PHKA1: variants seen among roughly 807,000 people sequenced by gnomAD.
The protein encoded by PHKA1 is phosphorylase kinase regulatory subunit alpha 1.
Under a neutral mutation model 110.2 loss-of-function variants are expected in PHKA1, and 60 were observed. The observed-to-expected ratio is 0.54, with a 90% confidence interval of 0.44 to 0.68. The LOEUF (loss-of-function observed/expected upper bound fraction) is 0.68. PHKA1 is among the 30% of genes least tolerant of loss of function. The pLI, the probability that PHKA1 is intolerant of heterozygous loss-of-function variation, is 0.00. For missense variants in PHKA1, 801 were observed against 942.5 expected, an observed-to-expected ratio of 0.85 and a Z score of 1.97; for synonymous variants, 316 against 333.6, an observed-to-expected ratio of 0.95 and a Z score of 0.58.
chrX:72,651,433 G>A (rs1556299041), intron 12 of PHKA1, among the ~76,000 whole-genome samples: 1 of 111,050 alleles, frequency 9.0e-6, no homozygotes, highest in South Asian at 3.8e-4. Flanking sequence ...CTACTTGGGA[G>A]GCCAAGGCAG....
At chrX:72,612,428 C>T (rs1556262247) in intron 21 of PHKA1, among the ~76,000 whole-genome samples, 1 of 111,776 alleles carries the variant, frequency 8.9e-6, no homozygotes, top group Admixed American at 9.5e-5. Context: ...AATGTGAATA[C>T]ATTCAAAGCC....
intron 8 of PHKA1, among the ~76,000 whole-genome samples, chrX:72,662,897 G>A (rs1360119784): frequency 9.0e-6 from 1 of 110,634 alleles, no homozygotes. Flanking sequence ...CCATCTCCAG[G>A]AAAGTCTTTC....
chrX:72,649,499 T>A (rs1556298241), intron 13 of PHKA1, among the ~76,000 whole-genome samples: 1 of 111,847 alleles, frequency 8.9e-6, no homozygotes, highest in Non-Finnish European at 1.9e-5. Context: ...GGGACTAGAA[T>A]TCTTAACATG....
At chrX:72,673,790 T>C (rs1282513206) in intron 6 of PHKA1, among the ~76,000 whole-genome samples, 4 of 108,558 alleles carry the variant, frequency 3.7e-5, no homozygotes, top group Admixed American at 9.9e-5. Flanking sequence ...GGGCAATTTA[T>C]TTTTTTTTTC....
intron 28 of PHKA1, among the ~76,000 whole-genome samples, chrX:72,601,048 T>G (rs2052651729): frequency 9.0e-6 from 1 of 111,241 alleles, no homozygotes; most frequent in African/African-American, 3.3e-5. Context: ...ACCACATGAC[T>G]TCCTAGAGTT....
intron 6 of PHKA1, among the ~76,000 whole-genome samples, chrX:72,675,740 T>G (rs2053771790): frequency 9.0e-6 from 1 of 110,516 alleles, no homozygotes. Flanking sequence ...ATATAAAGCT[T>G]GGTCAACTGG....
chrX:72,603,276 T>A (rs1366850480), intron 25 of PHKA1, 56 bp from the exon 26 acceptor site: 7 of 677,580 alleles, frequency 1.0e-5, no homozygotes, highest in Non-Finnish European at 1.7e-5. Flanking sequence ...CCATGCCCTC[T>A]CTATATTTTC....
rs1415746505 is a variant in PHKA1 at position 72,626,861 on chromosome X, T to C, written c.1793+110A>G. On this transcript the variant is annotated intron_variant, in intron 17 of 31. Transcript: ENST00000373542. ...TAACTGAAATATCGGAGTCAAATTG[T>C]AGATAAGGGGGGACTATCATACACA... 3.7e-5 allele frequency: 23 copies of C among 624,751 alleles called. No homozygotes were observed. The Admixed American group carries it at 5.1e-4, about 14-fold the overall frequency. The allele number at this position is 624,751 out of a possible 1,213,427, so 51.5% of individuals were successfully genotyped here.
At chrX:72,686,386 C>T (rs113982067) in intron 4 of PHKA1, among the ~76,000 whole-genome samples, 6,717 of 111,978 alleles carry the variant, frequency 0.06, 476 homozygotes, top group African/African-American at 0.21. Flanking sequence ...AAACATTACA[C>T]AAAGGGTAGT....
At chrX:72,601,891 A>C in intron 28 of PHKA1, 100 bp downstream of exon 28, 1 of 616,443 alleles carries the variant, frequency 1.6e-6, no homozygotes, top group African/African-American at 2.2e-5. Flanking sequence ...AATCTACTCC[A>C]TGACTTGTTA....
At chrX:72,606,785 G>T (rs1301180307) in intron 23 of PHKA1, among the ~76,000 whole-genome samples, 5 of 110,806 alleles carry the variant, frequency 4.5e-5, no homozygotes, top group South Asian at 3.8e-4. Flanking sequence ...TCTCCCTATT[G>T]TGCTATCAAA....
intron 21 of PHKA1, among the ~76,000 whole-genome samples, chrX:72,617,842 T>TAA (rs201696827): frequency 1.1e-5 from 1 of 88,217 alleles, no homozygotes; most frequent in Non-Finnish European, 2.3e-5. Flanking sequence ...ATAAAAAAAA[T>TAA]AAAAAAAAAA....
At chrX:72,590,530 G>A (rs1319137598) in intron 29 of PHKA1, among the ~76,000 whole-genome samples, 4 of 111,826 alleles carry the variant, frequency 3.6e-5, no homozygotes, top group African/African-American at 1.3e-4. Context: ...AACACCAAAA[G>A]CAATTGCAAC....
chrX:72,703,381 A>G (rs1421737766), intron 3 of PHKA1, among the ~76,000 whole-genome samples: 1 of 112,246 alleles, frequency 8.9e-6, no homozygotes, highest in African/African-American at 3.2e-5. Context: ...TTGGTAAGGT[A>G]AAAAGTTCAA....
intron 25 of PHKA1, 70 bp from the exon 26 acceptor site, chrX:72,603,290 A>G (rs782273772): frequency 1.6e-6 from 1 of 633,243 alleles, no homozygotes; most frequent in African/African-American, 2.2e-5. Flanking sequence ...TATTTTCTCT[A>G]TTTCTTTTCT....
chrX:72,689,163 T>C (rs1412713615), intron 4 of PHKA1, among the ~76,000 whole-genome samples: 3 of 112,421 alleles, frequency 2.7e-5, no homozygotes, highest in Non-Finnish European at 5.6e-5. Flanking sequence ...CTCTCATTTT[T>C]AGAAACAACC....
intron 19 of PHKA1, among the ~76,000 whole-genome samples, chrX:72,620,196 A>G (rs782536334): frequency 9.0e-6 from 1 of 111,568 alleles, no homozygotes; most frequent in African/African-American, 3.3e-5. Flanking sequence ...CTCTCCTTTC[A>G]TATCCAGCTA....
intron 8 of PHKA1, among the ~76,000 whole-genome samples, chrX:72,664,633 C>CA (rs1865085255): frequency 9.0e-6 from 1 of 111,364 alleles, no homozygotes; most frequent in Admixed American, 9.5e-5. Context: ...AATACATTAG[C>CA]ACATGGAACA....
In PHKA1 at chrX:72,611,113, T is replaced by C. The variant is rs782547087; in HGVS notation, c.2441A>G (p.Tyr814Cys). 1 of 1,201,843 alleles carries C rather than the reference T, an allele frequency of 8.3e-7. No individual in the cohort carries two copies. ...GTGACGAATTTCTCCCACTTTGCCA[T>C]ACAGCTCGGTAAGAAGCTCTCTCAC... ...ATVRELLTELYGKVGEIRHWG... is the reference protein window; with the variant it reads ...ATVRELLTELCGKVGEIRHWG... Residue 814 changes from tyrosine (Y) to cysteine (C), a missense_variant, in exon 22 of 32, where the codon TAT (tyrosine) becomes TGT (cysteine). Physicochemically the swap from Tyr to Cys is radical, Grantham distance 194 (BLOSUM62 -2). Coordinates refer to ENST00000373542, the MANE Select transcript of PHKA1 (RefSeq NM_002637.4).
Sources: gnomAD v4.1 joint callset for allele counts (sites outside exome capture counted in the v4.1 genomes callset) on GRCh38, gnomAD v4.1.1 for gene constraint, MANE v1.5 for transcripts, NCBI Gene and HGNC (gene_info 2026-07-23, HGNC 2026-07-21) for gene names.